The following UBAC2 variants were observed in gnomAD, a reference collection of about 807,000 sequenced individuals.
The protein encoded by UBAC2 is UBA domain containing 2, also known as ubiquitin-associated domain-containing protein 2.
Under a neutral mutation model 44.0 loss-of-function variants are expected in UBAC2, and 26 were observed. That is an observed-to-expected ratio of 0.59 (90% CI 0.43 to 0.82). UBAC2 has a LOEUF of 0.82. UBAC2 is among the 40% of genes least tolerant of loss of function. The probability of loss-of-function intolerance (pLI) is 0.00; values close to 1 mark genes in which losing one functional copy is unlikely to be tolerated. For missense variants in UBAC2, 329 were observed against 419.4 expected, an observed-to-expected ratio of 0.78 and a Z score of 1.88; for synonymous variants, 155 against 154.3, an observed-to-expected ratio of 1.00 and a Z score of -0.04.
In UBAC2 at chr13:99,289,078, C is replaced by A. The variant is rs949449120; in HGVS notation, c.390-25019C>A. Reference sequence around the variant, plus strand: ...TCTAACACTTACTTCACTGACAAGACAATTGAAGTCTAGAAAGGCTCAAAG... The same window carrying A: ...TCTAACACTTACTTCACTGACAAGAAAATTGAAGTCTAGAAAGGCTCAAAG... On this transcript the variant is annotated intron_variant, in intron 4 of 8. Coordinates refer to ENST00000403766, the MANE Select transcript of UBAC2 (RefSeq NM_001144072.2). Among the ~76,000 whole-genome samples the A allele has an allele frequency of 3.3e-5, 5 of 152,196 alleles. No homozygotes were observed. The East Asian group carries it at 7.7e-4, about 23-fold the overall frequency.
intron 6 of UBAC2, among the ~76,000 whole-genome samples, chr13:99,335,425 T>C (rs2044773504): frequency 6.6e-6 from 1 of 151,994 alleles, no homozygotes; most frequent in Non-Finnish European, 1.5e-5. Flanking sequence ...TCATTAAAAA[T>C]ATATATTTGT....
chr13:99,334,651 A>G (rs1252924439), intron 6 of UBAC2, among the ~76,000 whole-genome samples: 2 of 152,172 alleles, frequency 1.3e-5, no homozygotes, highest in Non-Finnish European at 2.9e-5. Context: ...AAATACAGTG[A>G]TATATAGCTG....
At chr13:99,279,198 C>G (rs2043922005) in intron 4 of UBAC2, among the ~76,000 whole-genome samples, 1 of 152,152 alleles carries the variant, frequency 6.6e-6, no homozygotes, top group African/African-American at 2.4e-5. Flanking sequence ...TCCTCTTCCC[C>G]TCCCAACAGT....
chr13:99,318,202 T>TTGTTGGGCAACACAAGAG (rs2044519078), intron 6 of UBAC2, 133 bp downstream of exon 6: 1 of 914,556 alleles, frequency 1.1e-6, no homozygotes, highest in Admixed American at 2.0e-5. Flanking sequence ...AATTTCACTC[T>TTGTTGGGCAACACAAGAG]TGTTGCCCAG....
chr13:99,206,178 C>T, intron 1 of UBAC2, among the ~76,000 whole-genome samples: 1 of 152,090 alleles, frequency 6.6e-6, no homozygotes, highest in Non-Finnish European at 1.5e-5. Context: ...AGAGTCCGGT[C>T]AGAGGTACTC....
intron 4 of UBAC2, among the ~76,000 whole-genome samples, chr13:99,309,623 C>T (rs1454905205): frequency 6.6e-6 from 1 of 152,024 alleles, no homozygotes; most frequent in African/African-American, 2.4e-5. Context: ...TGTTTGGAGA[C>T]AGGGTCTCAC....
chr13:99,314,259 GATCT>G (rs1566498330), intron 5 of UBAC2, 39 bp downstream of exon 5: 9 of 1,063,092 alleles, frequency 8.5e-6, no homozygotes, highest in Non-Finnish European at 1.1e-5. Flanking sequence ...TCTTTAACCA[GATCT>G]TTTTTTTTTT....
At chr13:99,298,889 A>AT (rs1566491490) in intron 4 of UBAC2, among the ~76,000 whole-genome samples, 2 of 152,174 alleles carry the variant, frequency 1.3e-5, no homozygotes, top group African/African-American at 4.8e-5. Context: ...TTTTATTAAT[A>AT]TTTTTCTAAG....
chr13:99,271,104 G>C (rs1046185529), intron 4 of UBAC2, among the ~76,000 whole-genome samples: 1 of 152,156 alleles, frequency 6.6e-6, no homozygotes, highest in Admixed American at 6.5e-5. Flanking sequence ...TGTCCTCATC[G>C]ACTGTACATT....
intron 1 of UBAC2, among the ~76,000 whole-genome samples, chr13:99,213,677 G>A (rs181914538): frequency 2.6e-5 from 4 of 151,948 alleles, no homozygotes; most frequent in East Asian, 1.9e-4. Flanking sequence ...ACATTTTATC[G>A]TACTAAAATA....
intron 1 of UBAC2, 122 bp downstream of exon 1, chr13:99,201,061 C>G (rs932191345): frequency 3.8e-6 from 5 of 1,328,860 alleles, no homozygotes; most frequent in Non-Finnish European, 3.9e-6. Flanking sequence ...ACCCTCCAGA[C>G]CCGCGTCCGA....
intron 6 of UBAC2, among the ~76,000 whole-genome samples, chr13:99,323,518 T>C (rs755146439): frequency 2.0e-5 from 3 of 152,206 alleles, no homozygotes; most frequent in Non-Finnish European, 4.4e-5. Flanking sequence ...AAGGACCACA[T>C]GTAGAAGTTG....
intron 4 of UBAC2, among the ~76,000 whole-genome samples, chr13:99,283,827 C>T (rs550548432): frequency 5.7e-5 from 8 of 139,814 alleles, no homozygotes; most frequent in East Asian, 4.6e-4. Flanking sequence ...CTCTGCCTCC[C>T]GGGTTCAAGC....
At chr13:99,287,740 C>T (rs2044038863) in intron 4 of UBAC2, among the ~76,000 whole-genome samples, 1 of 149,892 alleles carries the variant, frequency 6.7e-6, no homozygotes, top group Non-Finnish European at 1.5e-5. Context: ...CTGTCTCAGC[C>T]TGCCAAAGTG....
At position 99,233,065 on chromosome 13, in the gene UBAC2, T is replaced by C. The variant is rs147383157; in HGVS notation, c.32-5362T>C. Among the ~76,000 whole-genome samples the C allele has an allele frequency of 1.2e-4, 18 of 152,284 alleles. 1 individual carries two copies. Among genetic ancestry groups the C allele is most frequent in the South Asian group, 6.2e-4 (3 of 4,830 alleles). On this transcript the variant is annotated intron_variant, in intron 1 of 8. Coordinates refer to ENST00000403766, the MANE Select transcript of UBAC2 (RefSeq NM_001144072.2). Reference sequence around the variant, plus strand: ...CTGATTACTGAAAGAGCTAGAAGCATTGGGACCCAGAAAATTACAGTGAGC... The same window carrying C: ...CTGATTACTGAAAGAGCTAGAAGCACTGGGACCCAGAAAATTACAGTGAGC...
chr13:99,239,445 A>C (rs2043275937), intron 2 of UBAC2, among the ~76,000 whole-genome samples: 1 of 152,224 alleles, frequency 6.6e-6, no homozygotes, highest in South Asian at 2.1e-4. Context: ...AGATTTATAT[A>C]AACACAGTAT....
chr13:99,356,110 G>A (rs760075171), intron 7 of UBAC2: 7 of 522,320 alleles, frequency 1.3e-5, no homozygotes, highest in South Asian at 9.8e-5. Context: ...AACAAGACTT[G>A]GGACACATGT....
At position 99,385,408 on chromosome 13, in the gene UBAC2, C is replaced by T. The variant is rs950640060; in HGVS notation, c.*73C>T. 1.0e-5 allele frequency: 13 copies of T among 1,255,846 alleles called. No homozygotes were observed. The highest frequency in any genetic ancestry group is 5.3e-5 in the Admixed American group (3 of 56,718). The allele number at this position is 1,255,846 out of a possible 1,614,324, so 77.8% of individuals were successfully genotyped here. The stretch of plus-strand genomic sequence containing the variant: ...CGTGGTCCCCACCATCAGATCAGCC[C>T]GGGGACCGAGCATCTCTGGTGCTGA... On this transcript the variant is annotated 3_prime_UTR_variant, in exon 9 of 9. Coordinates refer to ENST00000403766, the MANE Select transcript of UBAC2 (RefSeq NM_001144072.2).
intron 4 of UBAC2, among the ~76,000 whole-genome samples, chr13:99,276,148 A>G (rs567766564): frequency 6.6e-6 from 1 of 152,186 alleles, no homozygotes; most frequent in African/African-American, 2.4e-5. Flanking sequence ...AGATGGGGAG[A>G]GGCAGTGAGG....
Sources: gnomAD v4.1 joint callset for allele counts (sites outside exome capture counted in the v4.1 genomes callset) on GRCh38, gnomAD v4.1.1 for gene constraint, MANE v1.5 for transcripts, NCBI Gene and HGNC (gene_info 2026-07-23, HGNC 2026-07-21) for gene names.